The following DGKH variants were observed in gnomAD, a reference collection of about 807,000 sequenced individuals.
DGKH encodes diacylglycerol kinase eta, also known as DAG kinase eta.
DGKH carries 90 observed loss-of-function variants against 159.3 expected under a neutral mutation model. That is an observed-to-expected ratio of 0.57 (90% CI 0.48 to 0.67). The LOEUF is 0.67. Ranked by LOEUF, DGKH falls within the 30% of genes least tolerant of loss-of-function variation. DGKH has a pLI of 0.00. For missense variants in DGKH, 1,181 were observed against 1,506.1 expected, an observed-to-expected ratio of 0.78 and a Z score of 3.57; for synonymous variants, 536 against 553.8, an observed-to-expected ratio of 0.97 and a Z score of 0.45.
chr13:42,198,406 G>A (rs897030989), intron 17 of DGKH, 72 bp from the exon 18 acceptor site: 1 of 1,317,250 alleles, frequency 7.6e-7, no homozygotes, highest in African/African-American at 1.5e-5. Flanking sequence ...TTGATATCAG[G>A]CCTGGATGGA....
intron 1 of DGKH, among the ~76,000 whole-genome samples, chr13:42,089,598 A>G (rs1450833161): frequency 6.6e-6 from 1 of 152,136 alleles, no homozygotes; most frequent in Non-Finnish European, 1.5e-5. Flanking sequence ...TTGCAGTTCC[A>G]TTCCTCTATC....
At chr13:42,166,193 T>C (rs1343341662) in intron 8 of DGKH, among the ~76,000 whole-genome samples, 1 of 152,112 alleles carries the variant, frequency 6.6e-6, no homozygotes, top group Non-Finnish European at 1.5e-5. Context: ...CCTCAAAATA[T>C]GTGACTTTTT....
chr13:42,236,372 A>G lies in DGKH; in HGVS notation c.*7184A>G, dbSNP rs73172212. ...AAAAAACTGTATTCTTTACTGCAATAGATAGCGGAATAGTAATAGACACTT... is the reference window on the plus strand; with the variant it reads ...AAAAAACTGTATTCTTTACTGCAATGGATAGCGGAATAGTAATAGACACTT... On this transcript the variant is annotated 3_prime_UTR_variant, in exon 30 of 30. Transcript: ENST00000337343. 2 of 152,310 alleles carry G rather than the reference A, an allele frequency of 1.3e-5. No individual in the cohort carries two copies. The highest frequency in any genetic ancestry group is 2.9e-5 in the Non-Finnish European group (2 of 68,014). The allele number at this position is 152,310 out of a possible 1,614,324, so 9.4% of individuals were successfully genotyped here.
At chr13:42,087,373 A>G (rs1439578123) in intron 1 of DGKH, among the ~76,000 whole-genome samples, 1 of 152,248 alleles carries the variant, frequency 6.6e-6, no homozygotes, top group East Asian at 1.9e-4. Flanking sequence ...ACAGTGTAAC[A>G]TTAATAATGT....
chr13:42,133,362 T>G (rs899907922), intron 3 of DGKH, among the ~76,000 whole-genome samples: 4 of 152,164 alleles, frequency 2.6e-5, no homozygotes, highest in African/African-American at 9.7e-5. Context: ...AGTTTCTTCA[T>G]TCAACCAAAT....
chr13:42,127,685 A>G lies in DGKH; in HGVS notation c.303+112A>G, dbSNP rs138970431. ...GCGCACTGTAGCATTATGCTCTTAT[A>G]TGAATTCAATATAAATGTGATCTAT... On this transcript the variant is annotated intron_variant, in intron 2 of 29. Coordinates refer to ENST00000337343, the MANE Select transcript of DGKH (RefSeq NM_178009.5). 6.8e-3 allele frequency: 5,103 copies of G among 749,132 alleles called. 33 individuals carry two copies. Among genetic ancestry groups the G allele is most frequent in the Admixed American group, 0.012 (515 of 42,674 alleles). 46.4% of individuals were successfully genotyped at this position (749,132 alleles called of 1,614,324 possible). A position where few individuals can be genotyped will look rare whatever the true frequency, so the allele number is the denominator to read the frequency against.
rs768660381 is a variant in DGKH at position 42,168,827 on chromosome 13, A to G, written c.1367+9A>G. Reference sequence around the variant, plus strand: ...ACCAAAATGTTGGACAGGTAAAAGTAAATTCTTTTCTACAACTAGATGGAA... The same window carrying G: ...ACCAAAATGTTGGACAGGTAAAAGTGAATTCTTTTCTACAACTAGATGGAA... On this transcript the variant is annotated intron_variant, in intron 11 of 29. Transcript: ENST00000337343. 6.2e-7 allele frequency: 1 copy of G among 1,604,262 alleles called. No individual in the cohort carries two copies. The highest frequency in any genetic ancestry group is 8.5e-7 in the Non-Finnish European group (1 of 1,174,548).
intron 1 of DGKH, among the ~76,000 whole-genome samples, chr13:42,077,249 C>T (rs1453190425): frequency 6.8e-6 from 1 of 147,226 alleles, no homozygotes; most frequent in East Asian, 2.0e-4. Context: ...AATTTCACAA[C>T]ATTTGTAAAA....
At chr13:42,049,530 C>T (rs1434035309) in intron 1 of DGKH, among the ~76,000 whole-genome samples, 1 of 152,230 alleles carries the variant, frequency 6.6e-6, no homozygotes. Flanking sequence ...TTTCCTGCCC[C>T]TCTGCCTCCT....
intron 29 of DGKH, among the ~76,000 whole-genome samples, chr13:42,249,119 A>G (rs1041639043): frequency 3.9e-5 from 6 of 152,160 alleles, no homozygotes; most frequent in Non-Finnish European, 8.8e-5. Context: ...CATGCCTGTA[A>G]TCCCAGCATG....
intron 3 of DGKH, among the ~76,000 whole-genome samples, chr13:42,149,945 C>G (rs944016774): frequency 3.3e-5 from 5 of 152,204 alleles, no homozygotes; most frequent in African/African-American, 1.2e-4. Context: ...TAGAATTATG[C>G]TGCAGATTTG....
chr13:42,055,686 A>G (rs1881706378), intron 1 of DGKH, among the ~76,000 whole-genome samples: 1 of 151,952 alleles, frequency 6.6e-6, no homozygotes, highest in African/African-American at 2.4e-5. Flanking sequence ...TTACTTACTC[A>G]GGAAATGTGT....
chr13:42,125,843 A>T (rs117403326), intron 1 of DGKH, among the ~76,000 whole-genome samples: 5 of 152,216 alleles, frequency 3.3e-5, no homozygotes, highest in Non-Finnish European at 7.3e-5. Flanking sequence ...CCATTTATTC[A>T]TATAGATCTC....
At chr13:42,124,424 A>G (rs2137833218) in intron 1 of DGKH, among the ~76,000 whole-genome samples, 1 of 152,344 alleles carries the variant, frequency 6.6e-6, no homozygotes, top group East Asian at 1.9e-4. Flanking sequence ...AGTGTGATTT[A>G]TGGAATAAAA....
At chr13:42,063,912 C>A (rs1034567626) in intron 1 of DGKH, among the ~76,000 whole-genome samples, 2 of 147,574 alleles carry the variant, frequency 1.4e-5, no homozygotes, top group African/African-American at 5.0e-5. Context: ...GCACTCCAGC[C>A]TGGGCAACAA....
At chr13:42,086,001 C>T (rs896029116) in intron 1 of DGKH, among the ~76,000 whole-genome samples, 1 of 151,966 alleles carries the variant, frequency 6.6e-6, no homozygotes, top group African/African-American at 2.4e-5. Context: ...CTCACTGCAG[C>T]CTCTGCCTCT....
chr13:42,179,206 T>C (rs1594153826), intron 13 of DGKH, among the ~76,000 whole-genome samples: 1 of 152,306 alleles, frequency 6.6e-6, no homozygotes, highest in East Asian at 1.9e-4. Context: ...GCAGACTGTA[T>C]TTGGCGGGCA....
Position 42,184,009 on chromosome 13 carries a change from G to A in DGKH, c.1539-3040G>A, listed in dbSNP as rs553088868. ...ATAACTAGCTAGCAGGAATATTGACGCCATTGTCATAGAACCATAGAATTT... is the reference window on the plus strand; with the variant it reads ...ATAACTAGCTAGCAGGAATATTGACACCATTGTCATAGAACCATAGAATTT... On this transcript the variant is annotated intron_variant, in intron 13 of 29. Transcript: ENST00000337343. 1.6e-3 allele frequency among the ~76,000 whole-genome samples: 239 copies of A among 152,050 alleles called. 1 individual carries two copies. In the Middle Eastern group the frequency reaches 0.024, roughly 15 times the overall value.
At chr13:42,250,311 C>T (rs573611134) in intron 29 of DGKH, among the ~76,000 whole-genome samples, 12 of 152,114 alleles carry the variant, frequency 7.9e-5, no homozygotes, top group Admixed American at 3.3e-4. Context: ...ATAATTAACA[C>T]GTAATTGTAC....
Sources: gnomAD v4.1 joint callset for allele counts (sites outside exome capture counted in the v4.1 genomes callset) on GRCh38, gnomAD v4.1.1 for gene constraint, MANE v1.5 for transcripts, NCBI Gene and HGNC (gene_info 2026-07-23, HGNC 2026-07-21) for gene names.